The following ITGB3BP variants were observed in gnomAD, a reference collection of about 807,000 sequenced individuals.
ITGB3BP encodes integrin subunit beta 3 binding protein, also known as centromere protein R.
In ITGB3BP, 27 loss-of-function variants were observed where a neutral mutation model predicts 29.1. The observed-to-expected ratio is 0.93, with a 90% confidence interval of 0.68 to 1.28. The LOEUF (loss-of-function observed/expected upper bound fraction) is 1.28, where lower values mean the gene tolerates loss of function less well. Among genes scored for constraint, ITGB3BP ranks in the 50% most tolerant of loss-of-function variants. The pLI, the probability that ITGB3BP is intolerant of heterozygous loss-of-function variation, is 0.00. For synonymous variants in ITGB3BP, 61 were observed against 61.4 expected (o/e 0.99, Z 0.03); for missense variants, 192 against 200.2 (o/e 0.96, Z 0.25).
chr1:63,472,167 C>T (rs1422435154), intron 4 of ITGB3BP, among the ~76,000 whole-genome samples: 3 of 150,106 alleles, frequency 2.0e-5, no homozygotes, highest in South Asian at 2.1e-4. Context: ...CATTATTTTT[C>T]GGTTTGTCCT....
At chr1:63,514,944 C>CAAAA (rs55738892) in intron 1 of ITGB3BP, among the ~76,000 whole-genome samples, 4 of 117,106 alleles carry the variant, frequency 3.4e-5, no homozygotes, top group African/African-American at 9.5e-5. Context: ...GACTCTGTCT[C>CAAAA]AAAAAAAAAA....
chr1:63,513,401 T>G (rs1646243541), intron 1 of ITGB3BP, among the ~76,000 whole-genome samples: 1 of 152,188 alleles, frequency 6.6e-6, no homozygotes, highest in African/African-American at 2.4e-5. Flanking sequence ...GGCTCCTGTT[T>G]AACCTATGTA....
chr1:63,518,628 A>G (rs1646387296), intron 1 of ITGB3BP, among the ~76,000 whole-genome samples: 1 of 148,414 alleles, frequency 6.7e-6, no homozygotes, highest in South Asian at 2.1e-4. Context: ...GCTTATAGAC[A>G]GTAAAGAGTT....
At chr1:63,497,337 CT>C (rs1212505853) in intron 2 of ITGB3BP, among the ~76,000 whole-genome samples, 1 of 152,084 alleles carries the variant, frequency 6.6e-6, no homozygotes, top group Non-Finnish European at 1.5e-5. Flanking sequence ...AAATCCTTAA[CT>C]TTTGAACATT....
intron 1 of ITGB3BP, among the ~76,000 whole-genome samples, chr1:63,512,261 GAC>G (rs1459745131): frequency 1.8e-4 from 28 of 152,008 alleles, no homozygotes; most frequent in Non-Finnish European, 3.7e-4. Context: ...TATTCTCTAA[GAC>G]TGACCTCTTT....
chr1:63,446,915 G>T, intron 7 of ITGB3BP, 59 bp from the exon 8 acceptor site: 1 of 1,211,788 alleles, frequency 8.3e-7, no homozygotes, highest in Non-Finnish European at 1.2e-6. Context: ...ACTTGCCACA[G>T]TATATGATGC....
At chr1:63,474,795 C>CT (rs1404381411) in intron 4 of ITGB3BP, among the ~76,000 whole-genome samples, 2 of 151,148 alleles carry the variant, frequency 1.3e-5, no homozygotes, top group Admixed American at 1.3e-4. Context: ...AACCAGAGAC[C>CT]TTTGTTCACT....
At chr1:63,442,048 C>A in intron 8 of ITGB3BP, among the ~76,000 whole-genome samples, 1 of 152,172 alleles carries the variant, frequency 6.6e-6, no homozygotes, top group East Asian at 1.9e-4. Context: ...ATGATTGCAC[C>A]ATTGCAGTCC....
chr1:63,447,667 A>T, intron 7 of ITGB3BP: 1 of 466,790 alleles, frequency 2.1e-6, no homozygotes, highest in South Asian at 1.5e-5. Context: ...ATCATTAAAA[A>T]GTCAGGAAAC....
intron 4 of ITGB3BP, among the ~76,000 whole-genome samples, chr1:63,472,268 A>T (rs958731435): frequency 2.0e-5 from 3 of 151,816 alleles, no homozygotes; most frequent in African/African-American, 7.3e-5. Flanking sequence ...CACTGAATCT[A>T]CAGTGACTCC....
At chr1:63,469,545 C>T (rs1424829728) in intron 4 of ITGB3BP, among the ~76,000 whole-genome samples, 2 of 152,058 alleles carry the variant, frequency 1.3e-5, no homozygotes, top group East Asian at 1.9e-4. Context: ...AGGCTGGTCT[C>T]GAACTCCCGA....
At chr1:63,446,940 A>T (rs113924339) in intron 7 of ITGB3BP, 84 bp from the exon 8 acceptor site, 27 of 985,218 alleles carry the variant, frequency 2.7e-5, no homozygotes, top group African/African-American at 2.5e-4. Context: ...TAAATGTTGA[A>T]GCAAAATGAA....
At chr1:63,495,983 C>T (rs917092261) in intron 2 of ITGB3BP, among the ~76,000 whole-genome samples, 7 of 151,910 alleles carry the variant, frequency 4.6e-5, no homozygotes, top group Admixed American at 1.3e-4. Context: ...GATAGGGAGC[C>T]GGGAACTATT....
chr1:63,515,819 C>A (rs1646304171), intron 1 of ITGB3BP, among the ~76,000 whole-genome samples: 2 of 92,420 alleles, frequency 2.2e-5, no homozygotes, highest in Admixed American at 3.3e-4. Flanking sequence ...GAGCAAGACT[C>A]CAACTTAAAA....
chr1:63,506,684 A>G (rs1411498429), intron 2 of ITGB3BP, among the ~76,000 whole-genome samples: 1 of 152,178 alleles, frequency 6.6e-6, no homozygotes, highest in East Asian at 1.9e-4. Context: ...GGAGTTCCAA[A>G]TATCTCTGGA....
intron 2 of ITGB3BP, among the ~76,000 whole-genome samples, chr1:63,500,382 C>CA (rs529205280): frequency 1.6e-3 from 235 of 142,572 alleles, no homozygotes; most frequent in Middle Eastern, 7.0e-3. Context: ...TGTCTCAAAA[C>CA]AAAAAAAAAA....
chr1:63,497,855 T>C (rs530095232), intron 2 of ITGB3BP, among the ~76,000 whole-genome samples: 15 of 152,300 alleles, frequency 9.8e-5, no homozygotes, highest in African/African-American at 3.6e-4. Context: ...GTGTGTTTAT[T>C]TGATGGTCAA....
intron 3 of ITGB3BP, among the ~76,000 whole-genome samples, chr1:63,480,844 G>GA (rs1645426179): frequency 6.6e-6 from 1 of 151,884 alleles, no homozygotes; most frequent in Non-Finnish European, 1.5e-5. Context: ...AATGTAAGGG[G>GA]AAAAGAATAA....
At chr1:63,525,025 C>T (rs1646560299), upstream of ITGB3BP, among the ~76,000 whole-genome samples, 1 of 152,070 alleles carries the variant, frequency 6.6e-6, no homozygotes, top group Non-Finnish European at 1.5e-5. Flanking sequence ...CTTGTTGATC[C>T]TGCTGTGGAA....
Sources: allele counts gnomAD v4.1 joint callset (sites outside exome capture counted in the v4.1 genomes callset), GRCh38; gene constraint gnomAD v4.1.1; transcripts MANE v1.5; gene names NCBI Gene and HGNC (gene_info 2026-07-23, HGNC 2026-07-21).